Variants in NME7 observed in about 807,000 individuals in gnomAD.
NME7 encodes nucleoside diphosphate kinase 7.
Under a neutral mutation model 49.1 loss-of-function variants are expected in NME7, and 41 were observed. The observed-to-expected ratio is 0.83, with a 90% confidence interval of 0.65 to 1.08. The LOEUF is 1.08. Among genes scored for constraint, NME7 ranks in the 50% least tolerant of loss-of-function variants. NME7 has a pLI of 0.00. For missense variants in NME7, 423 were observed against 463.4 expected (o/e 0.91, Z 0.80); for synonymous variants, 139 against 150.6 (o/e 0.92, Z 0.56).
intron 10 of NME7, among the ~76,000 whole-genome samples, chr1:169,182,138 C>T (rs908566869): frequency 6.9e-5 from 10 of 145,544 alleles, no homozygotes; most frequent in Non-Finnish European, 1.0e-4. Context: ...CAGAGTAGCT[C>T]GGACTACAGG....
chr1:169,322,899 G>T (rs74538301), intron 3 of NME7, among the ~76,000 whole-genome samples: 2,200 of 152,212 alleles, frequency 0.014, 48 homozygotes, highest in African/African-American at 0.048. Flanking sequence ...GATGTGCTAA[G>T]TGCCACAGGA....
intron 1 of NME7, among the ~76,000 whole-genome samples, chr1:169,353,028 C>A (rs1417691730): frequency 1.3e-5 from 2 of 151,448 alleles, no homozygotes; most frequent in African/African-American, 4.8e-5. Flanking sequence ...TGATATTCTT[C>A]AAAGAGTAGA....
chr1:169,305,571 G>A (rs1044054408), intron 4 of NME7, among the ~76,000 whole-genome samples: 7 of 152,118 alleles, frequency 4.6e-5, no homozygotes, highest in African/African-American at 9.7e-5. Flanking sequence ...GATCTTCATC[G>A]GTGTCGTTTC....
chr1:169,142,164 C>T (rs1483691993), intron 11 of NME7, among the ~76,000 whole-genome samples: 1 of 152,148 alleles, frequency 6.6e-6, no homozygotes, highest in Non-Finnish European at 1.5e-5. Flanking sequence ...CTAAGGAAAG[C>T]CTATATGGCA....
intron 10 of NME7, among the ~76,000 whole-genome samples, chr1:169,170,006 G>A (rs892162117): frequency 6.6e-6 from 1 of 152,084 alleles, no homozygotes; most frequent in African/African-American, 2.4e-5. Flanking sequence ...TGATAATGAT[G>A]TACAAAAAAA....
chr1:169,140,705 T>C, intron 11 of NME7, among the ~76,000 whole-genome samples: 1 of 149,510 alleles, frequency 6.7e-6, no homozygotes, highest in Non-Finnish European at 1.5e-5. Flanking sequence ...GAAAAGATTT[T>C]GACAGGGAAC....
At chr1:169,136,133 A>G (rs1658422593) in intron 11 of NME7, among the ~76,000 whole-genome samples, 1 of 151,904 alleles carries the variant, frequency 6.6e-6, no homozygotes, top group African/African-American at 2.4e-5. Flanking sequence ...AGTGCCCGAT[A>G]TAGTCATTAC....
chr1:169,246,004 G>A lies in NME7; in HGVS notation c.755-8317C>T, dbSNP rs111314080. ...ATTTTTAATGGAAGCACTCAGATTG[G>A]TTTAAGCTACAAATGTCTATGGTTT... On this transcript the variant is annotated intron_variant, in intron 7 of 11. Coordinates refer to ENST00000367811, the MANE Select transcript of NME7 (RefSeq NM_013330.5). Among the ~76,000 whole-genome samples the A allele has an allele frequency of 6.1e-3, 935 of 152,240 alleles. 7 individuals are homozygous for A. The highest frequency in any genetic ancestry group is 0.021 in the African/African-American group (869 of 41,550).
intron 3 of NME7, among the ~76,000 whole-genome samples, chr1:169,313,624 A>G (rs1034864383): frequency 2.0e-5 from 3 of 152,160 alleles, no homozygotes; most frequent in African/African-American, 4.8e-5. Context: ...CATATATGCA[A>G]TACACCCACA....
intron 7 of NME7, among the ~76,000 whole-genome samples, chr1:169,274,292 T>C (rs1277339373): frequency 1.5e-5 from 2 of 133,454 alleles, no homozygotes; most frequent in African/African-American, 5.1e-5. Context: ...TCATATTCTT[T>C]GTCCACTTTT....
intron 7 of NME7, among the ~76,000 whole-genome samples, chr1:169,275,478 C>CA (rs57449323): frequency 0.014 from 403 of 29,612 alleles, 22 homozygotes; most frequent in South Asian, 0.033. Flanking sequence ...AACTCCGTCT[C>CA]AAAAAAAAAA....
At chr1:169,249,753 T>C (rs965689274) in intron 7 of NME7, among the ~76,000 whole-genome samples, 11 of 152,142 alleles carry the variant, frequency 7.2e-5, no homozygotes, top group African/African-American at 2.7e-4. Flanking sequence ...TTTTTCTTTT[T>C]AATTCCTTTT....
chr1:169,261,204 G>A lies in NME7; in HGVS notation c.755-23517C>T. On this transcript the variant is annotated intron_variant, in intron 7 of 11. Transcript: ENST00000367811. Reference sequence around the variant, plus strand: ...GAAACTTAGATAATTAAGCTTATAAGTGATATTTATTGTTTGTGGTATTTA... The same window carrying A: ...GAAACTTAGATAATTAAGCTTATAAATGATATTTATTGTTTGTGGTATTTA... Among the ~76,000 whole-genome samples, 2 of 134,096 alleles carry A rather than the reference G, an allele frequency of 1.5e-5. 1 individual carries two copies. Among genetic ancestry groups the A allele is most frequent in the Non-Finnish European group, 3.5e-5 (2 of 56,998 alleles). The allele number at this position is 134,096 out of a possible 152,430, so 88.0% of individuals were successfully genotyped here.
At chr1:169,154,535 C>T (rs989325399) in intron 11 of NME7, among the ~76,000 whole-genome samples, 2 of 152,108 alleles carry the variant, frequency 1.3e-5, no homozygotes, top group East Asian at 1.9e-4. Context: ...AGGCCAAGCA[C>T]GGTGGCTCAC....
chr1:169,354,462 A>C lies in NME7; in HGVS notation c.3+13246T>G, dbSNP rs1035232225. Among the ~76,000 whole-genome samples the C allele has an allele frequency of 2.6e-5, 4 of 151,908 alleles. No homozygotes were observed. The South Asian group carries it at 8.3e-4, about 31-fold the overall frequency. ...TGAGTAAGACCTAGTATTCAATAGC[A>C]TAACAGGGTGACTATAGTCAATAAT... is the stretch of plus-strand genomic sequence containing the variant. On this transcript the variant is annotated intron_variant, in intron 1 of 11. Transcript: ENST00000367811.
At chr1:169,277,937 C>T (rs368353912) in intron 7 of NME7, among the ~76,000 whole-genome samples, 14,632 of 137,804 alleles carry the variant, frequency 0.11, 796 homozygotes, top group Admixed American at 0.12. Flanking sequence ...ATTTCTCCTT[C>T]GCTTATGAAG....
intron 11 of NME7, among the ~76,000 whole-genome samples, chr1:169,136,379 G>C (rs1658432007): frequency 6.6e-6 from 1 of 152,188 alleles, no homozygotes; most frequent in African/African-American, 2.4e-5. Flanking sequence ...AGATGGAGAA[G>C]TCCATGCCTA....
chr1:169,350,100 G>C (rs1194463394), intron 1 of NME7, among the ~76,000 whole-genome samples: 1 of 151,888 alleles, frequency 6.6e-6, no homozygotes, highest in East Asian at 1.9e-4. Context: ...GCTGAGGCAG[G>C]AGAATCACTT....
chr1:169,219,152 C>T (rs1661067195), intron 10 of NME7, among the ~76,000 whole-genome samples: 1 of 152,182 alleles, frequency 6.6e-6, no homozygotes, highest in South Asian at 2.1e-4. Flanking sequence ...ATTCCCTAGG[C>T]CTCAGCCCCA....
Sources: allele counts gnomAD v4.1 joint callset (sites outside exome capture counted in the v4.1 genomes callset), GRCh38; gene constraint gnomAD v4.1.1; transcripts MANE v1.5; gene names NCBI Gene and HGNC (gene_info 2026-07-23, HGNC 2026-07-21).